Variants in GLI2 observed in about 807,000 individuals in gnomAD.
GLI2 encodes GLI family zinc finger 2.
A neutral mutation model predicts 78.9 loss-of-function variants in GLI2; 22 were observed. The observed-to-expected ratio is 0.28, with a 90% confidence interval of 0.20 to 0.40. The LOEUF is 0.40. Among genes scored for constraint, GLI2 ranks in the 10% least tolerant of loss-of-function variants. The pLI, the probability that GLI2 is intolerant of heterozygous loss-of-function variation, is 1.00. For missense variants in GLI2, 2,097 were observed against 2,213.2 expected (o/e 0.95, Z 1.05); for synonymous variants, 974 against 963.7 (o/e 1.01, Z -0.20).
intron 2 of GLI2, among the ~76,000 whole-genome samples, chr2:120,883,886 C>G (rs556404594): frequency 6.6e-6 from 1 of 152,146 alleles, no homozygotes; most frequent in Non-Finnish European, 1.5e-5. Flanking sequence ...CCTATCTCTA[C>G]GGGGGACTCC....
At chr2:120,901,493 G>T (rs142396300) in intron 2 of GLI2, among the ~76,000 whole-genome samples, 1 of 152,178 alleles carries the variant, frequency 6.6e-6, no homozygotes, top group African/African-American at 2.4e-5. Flanking sequence ...GTGCTGCTCC[G>T]TGGCCTCTGC....
chr2:120,861,050 T>G (rs4848643), intron 2 of GLI2, among the ~76,000 whole-genome samples: 9 of 151,994 alleles, frequency 5.9e-5, no homozygotes, highest in African/African-American at 2.2e-4. Flanking sequence ...AAGCCCTAGA[T>G]GCCCACCCTA....
At chr2:120,913,619 T>C (rs911642444) in intron 2 of GLI2, among the ~76,000 whole-genome samples, 2 of 152,218 alleles carry the variant, frequency 1.3e-5, no homozygotes, top group African/African-American at 4.8e-5. Flanking sequence ...AACATAATTA[T>C]TGGGACTGAC....
At chr2:120,931,784 C>G (rs901689974) in intron 3 of GLI2, among the ~76,000 whole-genome samples, 1 of 152,154 alleles carries the variant, frequency 6.6e-6, no homozygotes, top group East Asian at 1.9e-4. Context: ...TAGTTACTTC[C>G]GTGAGGGCAA....
At chr2:120,836,975 T>C (rs1417850982) in intron 2 of GLI2, among the ~76,000 whole-genome samples, 1 of 152,238 alleles carries the variant, frequency 6.6e-6, no homozygotes, top group East Asian at 1.9e-4. Context: ...TGCATTCTGC[T>C]CTTTTGCAAC....
chr2:120,748,577 G>C (rs569745476), intron 1 of GLI2, among the ~76,000 whole-genome samples: 1 of 152,308 alleles, frequency 6.6e-6, no homozygotes, highest in East Asian at 1.9e-4. Context: ...GGTCCCCCCG[G>C]ATGACTCCTC....
intron 1 of GLI2, among the ~76,000 whole-genome samples, chr2:120,747,796 G>A (rs1244708905): frequency 6.6e-6 from 1 of 152,232 alleles, no homozygotes; most frequent in Non-Finnish European, 1.5e-5. Flanking sequence ...GACTCTGACA[G>A]TGGGGCTGTC....
intron 1 of GLI2, among the ~76,000 whole-genome samples, chr2:120,749,579 A>G (rs1438174379): frequency 6.6e-6 from 1 of 152,196 alleles, no homozygotes; most frequent in Non-Finnish European, 1.5e-5. Context: ...GCGGCAGGCC[A>G]TTGTGCCTCT....
intron 2 of GLI2, among the ~76,000 whole-genome samples, chr2:120,817,708 A>G (rs1207246527): frequency 6.6e-6 from 1 of 151,926 alleles, no homozygotes; most frequent in African/African-American, 2.4e-5. Context: ...ATCAGCTCCA[A>G]CTGCTCATCC....
intron 12 of GLI2, among the ~76,000 whole-genome samples, chr2:120,985,979 C>T (rs1017297607): frequency 2.0e-5 from 3 of 152,224 alleles, no homozygotes; most frequent in Non-Finnish European, 4.4e-5. Flanking sequence ...TTCCTTTGTG[C>T]CATACTGGGT....
intron 2 of GLI2, among the ~76,000 whole-genome samples, chr2:120,887,952 G>A (rs1250774254): frequency 1.3e-5 from 2 of 152,216 alleles, no homozygotes; most frequent in Non-Finnish European, 2.9e-5. Flanking sequence ...AGGGAGAGGG[G>A]AGCTGCAGCT....
chr2:120,988,936 C>T lies in GLI2; in HGVS notation c.2971C>T (p.Arg991Cys), dbSNP rs761649381. 1 of 1,529,378 alleles carries T rather than the reference C, an allele frequency of 6.5e-7. No homozygotes were observed. Among genetic ancestry groups the T allele is most frequent in the Non-Finnish European group, 8.8e-7 (1 of 1,142,406 alleles). 94.7% of individuals were successfully genotyped at this position (1,529,378 alleles called of 1,614,324 possible). A position where few individuals can be genotyped will look rare whatever the true frequency, so the allele number is the denominator to read the frequency against. Reference protein sequence around the residue: ...LPPCADRRGLRLQSHPSTDGG... With the variant: ...LPPCADRRGLCLQSHPSTDGG... ...GCCCTGTGCCGACAGGCGAGGCCTCCGCCTGCAGAGCCACCCGAGCACCGA... is the reference window on the plus strand; with the variant it reads ...GCCCTGTGCCGACAGGCGAGGCCTCTGCCTGCAGAGCCACCCGAGCACCGA... Residue 991 changes from arginine (R) to cysteine (C), a missense_variant, in exon 14 of 14, where the codon CGC becomes TGC. This residue lies in a region of GLI2 where 1,290 missense variants were observed against 1,261.7 expected (regional missense o/e 1.02). Coordinates refer to ENST00000361492, the MANE Select transcript of GLI2 (RefSeq NM_001374353.1).
At position 120,812,417 on chromosome 2, in the gene GLI2, G is replaced by A. The variant is rs1020480561; in HGVS notation, c.148+14949G>A. 3.3e-5 allele frequency among the ~76,000 whole-genome samples: 5 copies of A among 152,336 alleles called. No individual in the cohort carries two copies. In the East Asian group the frequency reaches 9.7e-4, roughly 29 times the overall value. On this transcript the variant is annotated intron_variant, in intron 2 of 13. Coordinates refer to ENST00000361492, the MANE Select transcript of GLI2 (RefSeq NM_001374353.1). Reference sequence around the variant, plus strand: ...CCCGTGCATCCTTGTCTTTCACGGGGGAATGATGAGGACTTCCCTCCTAGG... The same window carrying A: ...CCCGTGCATCCTTGTCTTTCACGGGAGAATGATGAGGACTTCCCTCCTAGG...
intron 1 of GLI2, among the ~76,000 whole-genome samples, chr2:120,790,060 A>T (rs1684103036): frequency 6.6e-6 from 1 of 152,238 alleles, no homozygotes; most frequent in Admixed American, 6.5e-5. Flanking sequence ...AGGACAGAGC[A>T]GTTCAAGAGG....
rs1369729002 is a variant in GLI2, at chr2:120,971,016, G to T, written c.1059+410G>T. Reference sequence around the variant, plus strand: ...GACCCTTCCAACGGGCCTTGAGCATGCCTGGGCATCCTAGTACAGTGCCTG... The same window carrying T: ...GACCCTTCCAACGGGCCTTGAGCATTCCTGGGCATCCTAGTACAGTGCCTG... On this transcript the variant is annotated intron_variant, in intron 7 of 13. Coordinates refer to ENST00000361492, the MANE Select transcript of GLI2 (RefSeq NM_001374353.1). Among the ~76,000 whole-genome samples, 4 of 152,338 alleles carry T rather than the reference G, an allele frequency of 2.6e-5. No individual in the cohort carries two copies. The East Asian group carries it at 5.8e-4, about 22-fold the overall frequency.
At chr2:120,870,585 T>C (rs1174160745) in intron 2 of GLI2, among the ~76,000 whole-genome samples, 1 of 152,164 alleles carries the variant, frequency 6.6e-6, no homozygotes, top group Non-Finnish European at 1.5e-5. Flanking sequence ...GAATGTGAAC[T>C]TCACGGATAG....
intron 6 of GLI2, among the ~76,000 whole-genome samples, chr2:120,969,607 A>G (rs535656903): frequency 2.0e-5 from 3 of 152,340 alleles, no homozygotes; most frequent in Non-Finnish European, 4.4e-5. Context: ...CCCATTTCTG[A>G]GGGTCAGGAA....
chr2:120,988,535 G>T lies in GLI2; in HGVS notation c.2570G>T (p.Gly857Val). The change falls in exon 14 of 14, where the codon GGC becomes GTC. Residue 857 changes from glycine (G) to valine (V), a missense_variant. Around this residue, in one of 5 missense-constraint regions of GLI2, gnomAD observed 1,290 missense variants for 1,261.7 expected, o/e 1.02. Transcript: ENST00000361492. ...TCGAGCGAGGCCAGCCAGTGCAGCGGCGGCTCCGGGCTGCTCAACCTCACG... is the reference window on the plus strand; with the variant it reads ...TCGAGCGAGGCCAGCCAGTGCAGCGTCGGCTCCGGGCTGCTCAACCTCACG... The part of the protein sequence containing the change: ...RRSSEASQCS[G>V]GSGLLNLTPA... The T allele has an allele frequency of 1.3e-6, 2 of 1,503,948 alleles. No homozygotes were observed. Among genetic ancestry groups the T allele is most frequent in the Non-Finnish European group, 1.8e-6 (2 of 1,133,768 alleles). The allele number at this position is 1,503,948 out of a possible 1,614,324, so 93.2% of individuals were successfully genotyped here. A position where few individuals can be genotyped will look rare whatever the true frequency, so the allele number is the denominator to read the frequency against.
At chr2:120,961,411 C>T (rs1330845527) in intron 5 of GLI2, among the ~76,000 whole-genome samples, 1 of 152,150 alleles carries the variant, frequency 6.6e-6, no homozygotes. Flanking sequence ...ATTGCAGGTC[C>T]CTGCGTGAGA....
Sources: gnomAD v4.1 joint callset for allele counts (sites outside exome capture counted in the v4.1 genomes callset) on GRCh38, gnomAD v4.1.1 for gene constraint, gnomAD v4.1.1 regional missense constraint, MANE v1.5 for transcripts, NCBI Gene and HGNC (gene_info 2026-07-23, HGNC 2026-07-21) for gene names.